MYH11: variants seen among roughly 807,000 people sequenced by gnomAD.
The protein encoded by MYH11 is myosin-11.
Under a neutral mutation model 246.6 loss-of-function variants are expected in MYH11, and 80 were observed. The ratio of observed to expected loss-of-function variants is 0.32; its 90% CI spans 0.27 to 0.39. The LOEUF (loss-of-function observed/expected upper bound fraction) is 0.39, where lower values mean the gene tolerates loss of function less well. MYH11 is among the 10% of genes least tolerant of loss of function. The pLI, the probability that MYH11 is intolerant of heterozygous loss-of-function variation, is 1.00. For synonymous variants in MYH11, 1,071 were observed against 1,015.5 expected (o/e 1.05, Z -1.04); for missense variants, 2,158 against 2,546.8 (o/e 0.85, Z 3.29).
chr16:15,842,175 T>G (rs953612925), intron 1 of MYH11, among the ~76,000 whole-genome samples: 3 of 152,092 alleles, frequency 2.0e-5, no homozygotes. Flanking sequence ...ACACCTGAGG[T>G]CAGGAGTTCG....
intron 28 of MYH11, chr16:15,726,060 C>G (rs1596735973): frequency 5.0e-6 from 1 of 200,562 alleles, no homozygotes; most frequent in Non-Finnish European, 1.0e-5. Flanking sequence ...GCTGTTCCCT[C>G]TGCCTGGTAG....
At chr16:15,811,484 A>C (rs1010110456) in intron 3 of MYH11, among the ~76,000 whole-genome samples, 1 of 152,086 alleles carries the variant, frequency 6.6e-6, no homozygotes, top group South Asian at 2.1e-4. Context: ...CCCATTGATC[A>C]AATGGGGAGG....
At chr16:15,817,916 A>G (rs2043302829) in intron 3 of MYH11, among the ~76,000 whole-genome samples, 1 of 152,076 alleles carries the variant, frequency 6.6e-6, no homozygotes, top group South Asian at 2.1e-4. Context: ...AACCCACCCC[A>G]TCCATCCTGA....
chr16:15,788,816 G>GTGTA (rs2042543119), intron 4 of MYH11, among the ~76,000 whole-genome samples: 1 of 112,914 alleles, frequency 8.9e-6, no homozygotes, highest in African/African-American at 3.3e-5. Context: ...GTGTGTGTGT[G>GTGTA]TGTGTGTGTG....
In MYH11 at chr16:15,708,292, G is replaced by A. The variant is rs114726902; in HGVS notation, c.5787-4169C>T. On this transcript the variant is annotated intron_variant, in intron 40 of 40. Coordinates refer to ENST00000300036, the MANE Select transcript of MYH11 (RefSeq NM_002474.3). The stretch of plus-strand genomic sequence containing the variant: ...GAATCATGGGAGGACTGGTTGCCGC[G>A]CCGCAGTTACCGTGAACTTTGTGAT... Among the ~76,000 whole-genome samples the A allele has an allele frequency of 5.9e-3, 893 of 152,280 alleles. 1 individual carries two copies. The highest frequency in any genetic ancestry group is 0.014 in the African/African-American group (570 of 41,548).
intron 19 of MYH11, among the ~76,000 whole-genome samples, chr16:15,746,780 T>C (rs932732952): frequency 2.6e-5 from 4 of 152,132 alleles, no homozygotes; most frequent in Admixed American, 1.3e-4. Flanking sequence ...CTTTCCTCAA[T>C]GGTTTATCCA....
chr16:15,783,261 G>A (rs1403640910), intron 5 of MYH11: 1 of 152,370 alleles, frequency 6.6e-6, no homozygotes, highest in Non-Finnish European at 1.5e-5. Flanking sequence ...GCTGCAGTTG[G>A]GCCCCGAGGC....
chr16:15,802,187 AAAGAGCCACCGCATT>A (rs2042903645), intron 3 of MYH11, among the ~76,000 whole-genome samples: 1 of 152,184 alleles, frequency 6.6e-6, no homozygotes, highest in African/African-American at 2.4e-5. Flanking sequence ...GACAGAAAAG[AAAGAGCCACCGCATT>A]AGGATCCCAC....
intron 8 of MYH11, among the ~76,000 whole-genome samples, chr16:15,772,149 T>C (rs2042117673): frequency 7.1e-6 from 1 of 141,576 alleles, no homozygotes; most frequent in African/African-American, 2.6e-5. Context: ...AGGAGTGCAG[T>C]GGCGCGATCT....
At chr16:15,854,291 T>TATAA (rs1378945559) in intron 1 of MYH11, among the ~76,000 whole-genome samples, 7 of 152,180 alleles carry the variant, frequency 4.6e-5, no homozygotes. Context: ...TTGTGTTTGC[T>TATAA]ATAAATAACC....
At chr16:15,796,434 G>A (rs2042744320) in intron 4 of MYH11, among the ~76,000 whole-genome samples, 1 of 152,124 alleles carries the variant, frequency 6.6e-6, no homozygotes, top group Non-Finnish European at 1.5e-5. Context: ...TAGCTACATA[G>A]CTAGGAAGCC....
Position 15,827,577 on chromosome 16 carries a change from C to A in MYH11, c.346-4166G>T, listed in dbSNP as rs543548856. Among the ~76,000 whole-genome samples the A allele has an allele frequency of 6.0e-4, 91 of 152,296 alleles. 1 individual carries two copies. Among genetic ancestry groups the A allele is most frequent in the African/African-American group, 1.8e-3 (76 of 41,556 alleles). The stretch of plus-strand genomic sequence containing the variant: ...CACCCCTCTTCCCCATTCCATCACC[C>A]AGGACCCTCCCACCCATCCTGCAAA... On this transcript the variant is annotated intron_variant, in intron 2 of 40. Transcript: ENST00000300036.
At chr16:15,714,587 G>A in intron 40 of MYH11, 1 of 496,356 alleles carries the variant, frequency 2.0e-6, no homozygotes, top group Non-Finnish European at 3.7e-6. Context: ...ATGTCGTGAA[G>A]ACTCAGTGAT....
At chr16:15,780,316 T>C (rs1281879946) in intron 6 of MYH11, among the ~76,000 whole-genome samples, 1 of 151,948 alleles carries the variant, frequency 6.6e-6, no homozygotes, top group Non-Finnish European at 1.5e-5. Flanking sequence ...CCAAGGATAT[T>C]TTGGGAGTCC....
rs552575138 is a variant in MYH11 at position 15,814,436 on chromosome 16, C to T, written c.502+8819G>A. ...GGTGTGGTGGCGGATGCCTGTAATC[C>T]CAGCTACTTGGGAGGCTGAGGCAGG... On this transcript the variant is annotated intron_variant, in intron 3 of 40. Coordinates refer to ENST00000300036, the MANE Select transcript of MYH11 (RefSeq NM_002474.3). 1.4e-4 allele frequency among the ~76,000 whole-genome samples: 21 copies of T among 151,192 alleles called. No individual in the cohort carries two copies. In the South Asian group the frequency reaches 4.4e-3, roughly 32 times the overall value.
intron 19 of MYH11, among the ~76,000 whole-genome samples, chr16:15,746,991 G>A (rs2041433799): frequency 6.6e-6 from 1 of 152,058 alleles, no homozygotes; most frequent in African/African-American, 2.4e-5. Flanking sequence ...GGGAGGCTCA[G>A]ACACGAGAAT....
At chr16:15,732,099 T>A (rs536330941) in intron 27 of MYH11, among the ~76,000 whole-genome samples, 5 of 152,178 alleles carry the variant, frequency 3.3e-5, no homozygotes, top group African/African-American at 9.6e-5. Flanking sequence ...GTAGCTGGGA[T>A]TACAGGCATG....
At chr16:15,805,821 T>A (rs2042997116) in intron 3 of MYH11, among the ~76,000 whole-genome samples, 1 of 151,874 alleles carries the variant, frequency 6.6e-6, no homozygotes, top group African/African-American at 2.4e-5. Context: ...GAGGCTGAGG[T>A]GGGACAATGG....
chr16:15,780,988 C>T (rs775612539), intron 6 of MYH11, among the ~76,000 whole-genome samples: 7 of 152,174 alleles, frequency 4.6e-5, no homozygotes, highest in Non-Finnish European at 7.3e-5. Context: ...TAGCTGTCGC[C>T]GTGGATAGAC....
Sources: gnomAD v4.1 joint callset for allele counts (sites outside exome capture counted in the v4.1 genomes callset) on GRCh38, gnomAD v4.1.1 for gene constraint, MANE v1.5 for transcripts, NCBI Gene and HGNC (gene_info 2026-07-23, HGNC 2026-07-21) for gene names.